ATP8A2: variants seen among roughly 807,000 people sequenced by gnomAD.
The protein encoded by ATP8A2 is phospholipid-transporting ATPase IB.
In ATP8A2, 100 loss-of-function variants were observed where a neutral mutation model predicts 165.6. The ratio of observed to expected loss-of-function variants is 0.60; its 90% CI spans 0.51 to 0.71. ATP8A2 has a LOEUF of 0.71. Among genes scored for constraint, ATP8A2 ranks in the 30% least tolerant of loss-of-function variants. The pLI is 0.00. For missense variants in ATP8A2, 1,227 were observed against 1,479.5 expected (o/e 0.83, Z 2.80); for synonymous variants, 543 against 548.8 (o/e 0.99, Z 0.15).
intron 33 of ATP8A2, among the ~76,000 whole-genome samples, chr13:25,867,727 T>C (rs1345950609): frequency 6.6e-6 from 1 of 152,074 alleles, no homozygotes; most frequent in Non-Finnish European, 1.5e-5. Flanking sequence ...GCTGGGGGCT[T>C]CCAGGATAGC....
chr13:25,581,220 T>C (rs1367816737), intron 22 of ATP8A2, among the ~76,000 whole-genome samples: 1 of 152,166 alleles, frequency 6.6e-6, no homozygotes, highest in Non-Finnish European at 1.5e-5. Context: ...CTCTGGAATT[T>C]GCCCGACCAG....
At position 25,570,799 on chromosome 13, in the gene ATP8A2, C is replaced by T. The variant is rs369917626; in HGVS notation, c.1506C>T (p.Thr502=). The change falls in exon 17 of 37, where the codon ACC becomes ACT. Residue 502 remains threonine, a synonymous_variant. Coordinates refer to ENST00000381655, the MANE Select transcript of ATP8A2 (RefSeq NM_016529.6). ...PTAPCIQEFL[T]LLAVCHTVVP... is the part of the protein sequence containing the mutation. ...CCCCTTGCATTCAGGAGTTCCTCAC[C>T]CTTCTGGCCGTGTGCCACACGGTTG... 10 of 1,613,640 alleles carry T rather than the reference C, an allele frequency of 6.2e-6. No individual in the cohort carries two copies. The highest frequency in any genetic ancestry group is 8.5e-6 in the Non-Finnish European group (10 of 1,179,766).
At chr13:25,374,082 G>C (rs2032527304) in intron 1 of ATP8A2, among the ~76,000 whole-genome samples, 1 of 152,200 alleles carries the variant, frequency 6.6e-6, no homozygotes, top group African/African-American at 2.4e-5. Flanking sequence ...TCCTTGGATA[G>C]AGTCCTGGGC....
intron 22 of ATP8A2, 152 bp downstream of exon 22, chr13:25,580,099 T>A: frequency 1.1e-6 from 1 of 913,732 alleles, no homozygotes; most frequent in Non-Finnish European, 1.6e-6. Flanking sequence ...TTCTTTGCTT[T>A]AAGAAGCACT....
At chr13:25,385,916 A>ATTT (rs763105009) in intron 1 of ATP8A2, among the ~76,000 whole-genome samples, 1,723 of 133,452 alleles carry the variant, frequency 0.013, 32 homozygotes, top group African/African-American at 0.045. Flanking sequence ...TTGGGCTTAA[A>ATTT]TTTTTTTTTT....
At chr13:25,425,732 G>A (rs548708415) in intron 1 of ATP8A2, among the ~76,000 whole-genome samples, 6 of 152,058 alleles carry the variant, frequency 3.9e-5, no homozygotes, top group African/African-American at 1.2e-4. Flanking sequence ...CCACCACCAC[G>A]CCCGGCTAAT....
chr13:25,800,058 C>A (rs1950589853), intron 27 of ATP8A2, among the ~76,000 whole-genome samples: 1 of 152,210 alleles, frequency 6.6e-6, no homozygotes, highest in Admixed American at 6.5e-5. Context: ...AAGTGTTTTA[C>A]ACATACTGTA....
intron 27 of ATP8A2, among the ~76,000 whole-genome samples, chr13:25,785,827 G>A (rs2045009791): frequency 6.6e-6 from 1 of 152,196 alleles, no homozygotes; most frequent in African/African-American, 2.4e-5. Flanking sequence ...AGCACCTTCT[G>A]TAGCAAATGA....
chr13:25,931,996 C>T (rs951097369), intron 33 of ATP8A2, among the ~76,000 whole-genome samples: 1 of 149,394 alleles, frequency 6.7e-6, no homozygotes, highest in African/African-American at 2.5e-5. Flanking sequence ...TGCAGCAAGC[C>T]GAGATCACGC....
intron 33 of ATP8A2, among the ~76,000 whole-genome samples, chr13:25,894,762 T>C (rs561330521): frequency 2.0e-4 from 31 of 152,288 alleles, no homozygotes; most frequent in African/African-American, 7.2e-4. Flanking sequence ...CCCTTGTAAG[T>C]TGGATTCCTA....
chr13:25,581,989 TG>T, intron 23 of ATP8A2, 32 bp downstream of exon 23: 2 of 1,579,622 alleles, frequency 1.3e-6, no homozygotes, highest in Non-Finnish European at 1.7e-6. Context: ...TTCCTGATGC[TG>T]GGTTTTGTAT....
intron 16 of ATP8A2, among the ~76,000 whole-genome samples, chr13:25,567,642 A>G (rs1256950684): frequency 6.6e-6 from 1 of 152,128 alleles, no homozygotes; most frequent in East Asian, 1.9e-4. Context: ...TGGTTTGGGA[A>G]TTTATTTTCT....
At chr13:25,448,314 A>G (rs1226601812) in intron 1 of ATP8A2, among the ~76,000 whole-genome samples, 1 of 152,226 alleles carries the variant, frequency 6.6e-6, no homozygotes, top group African/African-American at 2.4e-5. Context: ...TTCAGAGGGA[A>G]ACTTAAAGCT....
chr13:25,628,504 C>T (rs774430048), intron 24 of ATP8A2, among the ~76,000 whole-genome samples: 4 of 152,168 alleles, frequency 2.6e-5, no homozygotes, highest in Non-Finnish European at 5.9e-5. Context: ...TCCTCTCTTC[C>T]TAACTCAGGA....
rs747266258 is a variant in ATP8A2 at position 25,968,598 on chromosome 13, C to T, written c.3296C>T (p.Thr1099Ile). The change falls in exon 35 of 37, where the codon ACA becomes ATA. Residue 1099 changes from threonine (T) to isoleucine (I), a missense_variant. Coordinates refer to ENST00000381655, the MANE Select transcript of ATP8A2 (RefSeq NM_016529.6). The stretch of plus-strand genomic sequence containing the variant: ...AGAGCCAAGCACACCTGCAAAAAGA[C>T]ATTGCTGGAGGAGGTGCAGGAGCTG... Reference protein sequence around the residue: ...WRAAKHTCKKTLLEEVQELET... With the variant: ...WRAAKHTCKKILLEEVQELET... The T allele has an allele frequency of 5.6e-6, 9 of 1,613,644 alleles. No homozygotes were observed. The highest frequency in any genetic ancestry group is 6.8e-6 in the Non-Finnish European group (8 of 1,179,954).
At chr13:25,664,233 A>G (rs192363811) in intron 24 of ATP8A2, among the ~76,000 whole-genome samples, 8 of 152,358 alleles carry the variant, frequency 5.3e-5, no homozygotes, top group Middle Eastern at 6.8e-3. Flanking sequence ...ACTTTCTTGT[A>G]AGTAAAGGTC....
chr13:25,543,365 T>G lies in ATP8A2; in HGVS notation c.854T>G (p.Ile285Arg). 6.2e-7 allele frequency: 1 copy of G among 1,612,904 alleles called. No homozygotes were observed. The highest frequency in any genetic ancestry group is 8.5e-7 in the Non-Finnish European group (1 of 1,179,018). Reference sequence around the variant, plus strand: ...AGAAATACTCAGTGGGTCTTTGGCATAGTTGTTTATACTGGACACGACACC... The same window carrying G: ...AGAAATACTCAGTGGGTCTTTGGCAGAGTTGTTTATACTGGACACGACACC... Reference protein sequence around the residue: ...QLRNTQWVFGIVVYTGHDTKL... With the variant: ...QLRNTQWVFGRVVYTGHDTKL... Residue 285 changes from isoleucine to arginine, a missense_variant, in exon 10 of 37, where the codon ATA becomes AGA. Physicochemically the swap from Ile to Arg is moderately conservative, Grantham distance 97. Around this residue, in one of 5 missense-constraint regions of ATP8A2, gnomAD observed 356 missense variants for 394.9 expected, o/e 0.90. Coordinates refer to ENST00000381655, the MANE Select transcript of ATP8A2 (RefSeq NM_016529.6).
At chr13:25,416,446 A>G (rs79359891) in intron 1 of ATP8A2, among the ~76,000 whole-genome samples, 1,886 of 152,294 alleles carry the variant, frequency 0.012, 43 homozygotes, top group African/African-American at 0.043. Flanking sequence ...CCCATTTAAA[A>G]TAAAATGTTA....
intron 27 of ATP8A2, among the ~76,000 whole-genome samples, chr13:25,790,307 A>G (rs1264090551): frequency 1.3e-5 from 2 of 152,188 alleles, no homozygotes; most frequent in Non-Finnish European, 2.9e-5. Flanking sequence ...ACAGGAAAAA[A>G]TGTTTGCAAA....
Sources: allele counts gnomAD v4.1 joint callset (sites outside exome capture counted in the v4.1 genomes callset), GRCh38; gene constraint gnomAD v4.1.1; regional missense constraint gnomAD v4.1.1; transcripts MANE v1.5; gene names NCBI Gene and HGNC (gene_info 2026-07-23, HGNC 2026-07-21).